The following PI4KA variants were observed in gnomAD, a reference collection of about 807,000 sequenced individuals.
The protein encoded by PI4KA is phosphatidylinositol 4-kinase alpha.
In PI4KA, 122 loss-of-function variants were observed where a neutral mutation model predicts 271.4. The observed-to-expected ratio is 0.45, with a 90% CI of 0.39 to 0.52. PI4KA has a LOEUF of 0.52. PI4KA is among the 20% of genes least tolerant of loss of function. The pLI is 0.00. For synonymous variants in PI4KA, 1,041 were observed against 1,078.8 expected (o/e 0.96, Z 0.69); for missense variants, 1,969 against 2,769.1 (o/e 0.71, Z 6.48).
intron 7 of PI4KA, among the ~76,000 whole-genome samples, chr22:20,817,867 G>A (rs755752169): frequency 6.8e-6 from 1 of 147,222 alleles, no homozygotes. Flanking sequence ...GCTCATGCAT[G>A]TAATCCTAGC....
chr22:20,740,265 TA>T (rs559654473), intron 32 of PI4KA, among the ~76,000 whole-genome samples: 27 of 147,700 alleles, frequency 1.8e-4, no homozygotes, highest in South Asian at 6.4e-4. Flanking sequence ...GTATACAGGT[TA>T]AAAAAAAAAT....
At chr22:20,753,626 G>T (rs1930956416) in intron 23 of PI4KA, among the ~76,000 whole-genome samples, 1 of 152,184 alleles carries the variant, frequency 6.6e-6, no homozygotes, top group Non-Finnish European at 1.5e-5. Flanking sequence ...GCTTGTCCAT[G>T]ATAAGACTAG....
At chr22:20,767,548 G>A (rs1306343666) in intron 19 of PI4KA, among the ~76,000 whole-genome samples, 3 of 151,766 alleles carry the variant, frequency 2.0e-5, no homozygotes, top group African/African-American at 4.8e-5. Context: ...CACTGACCTC[G>A]ATCTCCCAGG....
intron 4 of PI4KA, among the ~76,000 whole-genome samples, chr22:20,823,232 G>C (rs926718350): frequency 6.6e-6 from 1 of 152,100 alleles, no homozygotes; most frequent in Non-Finnish European, 1.5e-5. Flanking sequence ...CATTTTATAT[G>C]TTAAAGTCAT....
intron 1 of PI4KA, among the ~76,000 whole-genome samples, chr22:20,845,711 G>A (rs967822643): frequency 6.6e-6 from 1 of 152,126 alleles, no homozygotes; most frequent in Non-Finnish European, 1.5e-5. Context: ...TTAGAGATGC[G>A]CTTTTGAGCT....
intron 19 of PI4KA, among the ~76,000 whole-genome samples, chr22:20,776,569 GACTGGC>G (rs766457624): frequency 6.6e-6 from 1 of 152,146 alleles, no homozygotes; most frequent in Non-Finnish European, 1.5e-5. Context: ...CAAGGAATGG[GACTGGC>G]ACTGGGAAAA....
intron 23 of PI4KA, among the ~76,000 whole-genome samples, chr22:20,759,459 T>A (rs1343154991): frequency 1.4e-5 from 2 of 146,504 alleles, no homozygotes; most frequent in African/African-American, 5.0e-5. Context: ...GATGGAGTGC[T>A]GAGGCACGAT....
chr22:20,759,542 T>C (rs772286536), intron 23 of PI4KA, among the ~76,000 whole-genome samples: 1 of 151,570 alleles, frequency 6.6e-6, no homozygotes, highest in Non-Finnish European at 1.5e-5. Context: ...CAGCTGGGAC[T>C]ACAGGCGTGC....
chr22:20,827,933 T>G (rs1160496737), intron 3 of PI4KA, among the ~76,000 whole-genome samples: 1 of 152,156 alleles, frequency 6.6e-6, no homozygotes, highest in African/African-American at 2.4e-5. Flanking sequence ...TAGCTGGGAT[T>G]ACAGGCGTGC....
At chr22:20,755,192 G>A (rs887057275) in intron 23 of PI4KA, among the ~76,000 whole-genome samples, 4 of 152,154 alleles carry the variant, frequency 2.6e-5, no homozygotes, top group African/African-American at 9.7e-5. Flanking sequence ...AACCGTGGAT[G>A]TTTATTCGTT....
rs2147223983 is a variant in PI4KA at position 20,726,525 on chromosome 22, T to C, written c.4958A>G (p.Tyr1653Cys). 1.3e-6 allele frequency: 2 copies of C among 1,583,346 alleles called. No homozygotes were observed. Among genetic ancestry groups the C allele is most frequent in the Non-Finnish European group, 8.6e-7 (1 of 1,168,126 alleles). The change falls in exon 42 of 55, where the codon TAC (tyrosine) becomes TGC (cysteine). Residue 1653 changes from tyrosine to cysteine, a missense_variant. Physicochemically the swap from Tyr to Cys is radical, Grantham distance 194 (BLOSUM62 -2). Around this residue, in one of 13 missense-constraint regions of PI4KA, gnomAD observed 388 missense variants for 521.5 expected, o/e 0.74. Transcript: ENST00000255882. ...RSFPPDAILF[Y>C]IPQIVQALRY... ...GAGGGCCTGCACAATCTGGGGGATG[T>C]AGAAGAGGATGGCGTCCTGTGGAGG...
At chr22:20,764,054 G>A (rs1280438679) in intron 22 of PI4KA, among the ~76,000 whole-genome samples, 1 of 152,220 alleles carries the variant, frequency 6.6e-6, no homozygotes, top group African/African-American at 2.4e-5. Flanking sequence ...ATTTGGGAAA[G>A]AAATTATTCT....
intron 22 of PI4KA, 120 bp from the exon 23 acceptor site, chr22:20,761,506 G>A (rs1001905138): frequency 2.9e-6 from 2 of 700,878 alleles, no homozygotes; most frequent in Non-Finnish European, 5.3e-6. Context: ...ATTCATAAGG[G>A]TGCACACTGA....
intron 18 of PI4KA, among the ~76,000 whole-genome samples, chr22:20,793,911 A>C (rs751932138): frequency 4.6e-5 from 7 of 152,240 alleles, no homozygotes; most frequent in Admixed American, 6.5e-5. Flanking sequence ...TATGCTCTTA[A>C]TCTATAATAA....
chr22:20,774,747 T>A (rs147209978), intron 19 of PI4KA, among the ~76,000 whole-genome samples: 5 of 142,662 alleles, frequency 3.5e-5, no homozygotes, highest in African/African-American at 1.3e-4. Flanking sequence ...GACAACAGAG[T>A]TAGACTCCGT....
intron 19 of PI4KA, among the ~76,000 whole-genome samples, chr22:20,772,185 G>C (rs940374310): frequency 2.0e-5 from 3 of 152,218 alleles, no homozygotes; most frequent in African/African-American, 4.8e-5. Flanking sequence ...TCATTTCAGA[G>C]AGCAGAATAC....
At chr22:20,787,160 G>T in intron 19 of PI4KA, 2 of 1,167,544 alleles carry the variant, frequency 1.7e-6, no homozygotes, top group South Asian at 2.5e-5. Flanking sequence ...CATCATTTAC[G>T]TAGTTTACGC....
At chr22:20,848,141 G>A (rs994778874) in intron 1 of PI4KA, among the ~76,000 whole-genome samples, 8 of 151,800 alleles carry the variant, frequency 5.3e-5, no homozygotes, top group Admixed American at 2.0e-4. Flanking sequence ...GGGAGGCAGA[G>A]GCAGGAGAAT....
At chr22:20,784,603 T>C (rs559920434) in intron 19 of PI4KA, among the ~76,000 whole-genome samples, 37 of 152,290 alleles carry the variant, frequency 2.4e-4, no homozygotes, top group African/African-American at 8.4e-4. Context: ...GAATCAGCGA[T>C]GCTGAGCGCC....
Sources: allele counts gnomAD v4.1 joint callset (sites outside exome capture counted in the v4.1 genomes callset), GRCh38; gene constraint gnomAD v4.1.1; regional missense constraint gnomAD v4.1.1; transcripts MANE v1.5; gene names NCBI Gene and HGNC (gene_info 2026-07-23, HGNC 2026-07-21).